The following PLXNA4 variants were observed in gnomAD, a reference collection of about 807,000 sequenced individuals.
The protein encoded by PLXNA4 is plexin A4, also known as plexin-A4.
PLXNA4 carries 44 observed loss-of-function variants against 191.8 expected under a neutral mutation model. That is an observed-to-expected ratio of 0.23 (90% CI 0.18 to 0.29). The LOEUF is 0.29. Ranked by LOEUF, PLXNA4 falls within the 10% of genes least tolerant of loss-of-function variation. PLXNA4 has a pLI of 1.00. For missense variants in PLXNA4, 1,800 were observed against 2,488.8 expected (o/e 0.72, Z 5.89); for synonymous variants, 1,082 against 1,009.5 (o/e 1.07, Z -1.36).
chr7:132,593,655 A>G lies in PLXNA4; in HGVS notation c.-87+52273T>C, dbSNP rs140093747. On this transcript the variant is annotated intron_variant, in intron 2 of 4. Transcript: ENST00000378539. ...CGTCGTGCCATCACTCATTCCAGGG[A>G]CCAAGTCACAGGCAGCAGGTCTCAC... 7.9e-3 allele frequency among the ~76,000 whole-genome samples: 1,200 copies of G among 152,274 alleles called. 9 individuals carry two copies. The highest frequency in any genetic ancestry group is 0.013 in the Non-Finnish European group (866 of 68,014).
At chr7:132,462,836 A>ATTTTTTTTTTTTTTTT in intron 3 of PLXNA4, among the ~76,000 whole-genome samples, 1 of 88,946 alleles carries the variant, frequency 1.1e-5, no homozygotes, top group Non-Finnish European at 2.1e-5. Flanking sequence ...CATTTCTATA[A>ATTTTTTTTTTTTTTTT]TTTTTTTTTT....
chr7:132,239,506 T>A (rs17805290), intron 5 of PLXNA4, among the ~76,000 whole-genome samples: 6,052 of 152,262 alleles, frequency 0.04, 188 homozygotes, highest in Non-Finnish European at 0.059. Context: ...CGCAGAGCTA[T>A]CCTCAGCCAA....
At chr7:132,494,630 G>A (rs573068929) in intron 2 of PLXNA4, among the ~76,000 whole-genome samples, 21 of 152,154 alleles carry the variant, frequency 1.4e-4, no homozygotes, top group South Asian at 6.2e-4. Context: ...CTGACACTCC[G>A]AATTACAATC....
chr7:132,395,541 AC>A (rs1455452357), intron 3 of PLXNA4, among the ~76,000 whole-genome samples: 1 of 152,182 alleles, frequency 6.6e-6, no homozygotes, highest in African/African-American at 2.4e-5. Context: ...CGTGCGTCCC[AC>A]CTGTGCATCT....
At chr7:132,449,251 C>T (rs1330495130) in intron 3 of PLXNA4, among the ~76,000 whole-genome samples, 3 of 152,196 alleles carry the variant, frequency 2.0e-5, no homozygotes, top group Admixed American at 6.5e-5. Context: ...GTTCTCCTGG[C>T]CTCTTACTCA....
intron 2 of PLXNA4, among the ~76,000 whole-genome samples, chr7:132,638,315 G>T (rs994046835): frequency 6.6e-6 from 1 of 152,186 alleles, no homozygotes; most frequent in Non-Finnish European, 1.5e-5. Context: ...GCCTAGGATG[G>T]TTGGAAGACT....
At chr7:132,210,464 C>T (rs956961212) in intron 10 of PLXNA4, among the ~76,000 whole-genome samples, 1 of 152,194 alleles carries the variant, frequency 6.6e-6, no homozygotes, top group African/African-American at 2.4e-5. Context: ...GTTATTTCCT[C>T]CTGCCAATGC....
At chr7:132,491,696 A>G (rs867541983) in intron 2 of PLXNA4, among the ~76,000 whole-genome samples, 9 of 152,296 alleles carry the variant, frequency 5.9e-5, no homozygotes, top group Non-Finnish European at 1.0e-4. Flanking sequence ...ATCCCGCCAG[A>G]GGCAGGCAGA....
chr7:132,211,079 G>A lies in PLXNA4; in HGVS notation c.2162C>T (p.Thr721Met), dbSNP rs377154325. The A allele has an allele frequency of 9.0e-5, 145 of 1,602,882 alleles. No individual in the cohort carries two copies. Among genetic ancestry groups the A allele is most frequent in the Non-Finnish European group, 1.1e-4 (134 of 1,174,588 alleles). The change falls in exon 10 of 32, where the codon ACG becomes ATG. Residue 721 changes from threonine (T) to methionine (M), a missense_variant. By Grantham distance (81) the Thr-to-Met change is moderately conservative (BLOSUM62 -1). This residue lies in a region of PLXNA4 where 1,397 missense variants were observed against 1,880.4 expected (regional missense o/e 0.74). Coordinates refer to ENST00000321063, the MANE Select transcript of PLXNA4 (RefSeq NM_020911.2). ...CTGGGGGAGGTTCTTGGCCTTCAGCGTGATAGGCTTGATCACCTCCACGGG... is the reference window on the plus strand; with the variant it reads ...CTGGGGGAGGTTCTTGGCCTTCAGCATGATAGGCTTGATCACCTCCACGGG... ...LVPVEVIKPITLKAKNLPQPQ... is the reference protein window; with the variant it reads ...LVPVEVIKPIMLKAKNLPQPQ...
intron 1 of PLXNA4, among the ~76,000 whole-genome samples, chr7:132,549,641 G>A (rs1800469540): frequency 6.6e-6 from 1 of 152,146 alleles, no homozygotes; most frequent in African/African-American, 2.4e-5. Flanking sequence ...TCATTTCCCT[G>A]AGTCATTACC....
chr7:132,242,721 T>A (rs1008377334), intron 4 of PLXNA4, among the ~76,000 whole-genome samples: 7 of 152,138 alleles, frequency 4.6e-5, no homozygotes, highest in African/African-American at 1.7e-4. Flanking sequence ...TTTTGCACAT[T>A]TGGAATTTTA....
intron 16 of PLXNA4, among the ~76,000 whole-genome samples, chr7:132,184,222 C>T (rs576666171): frequency 1.4e-4 from 22 of 152,294 alleles, no homozygotes; most frequent in East Asian, 7.7e-4. Context: ...CAGGGGGCAG[C>T]GGGAGGGGGC....
At chr7:132,604,113 A>G (rs1258654419) in intron 2 of PLXNA4, among the ~76,000 whole-genome samples, 1 of 138,316 alleles carries the variant, frequency 7.2e-6, no homozygotes, top group Non-Finnish European at 1.6e-5. Flanking sequence ...GGTGGGTGCT[A>G]AGGTACCTGA....
intron 1 of PLXNA4, among the ~76,000 whole-genome samples, chr7:132,528,980 G>T (rs1350992841): frequency 2.0e-5 from 3 of 152,228 alleles, no homozygotes; most frequent in African/African-American, 4.8e-5. Context: ...ACTATGAAGG[G>T]TGTCTAGGAC....
intron 3 of PLXNA4, among the ~76,000 whole-genome samples, chr7:132,453,934 C>T (rs902574609): frequency 2.0e-5 from 3 of 152,210 alleles, no homozygotes; most frequent in African/African-American, 7.2e-5. Flanking sequence ...TAGTCTTTGA[C>T]CCACCGTCAG....
rs997195061 is a variant in PLXNA4 at position 132,592,579 on chromosome 7, G to A, written c.-87+53349C>T. On this transcript the variant is annotated intron_variant, in intron 2 of 4. Coordinates refer to the PLXNA4 transcript ENST00000378539. Reference sequence around the variant, plus strand: ...CTTTAAAAACCCACATTAAATTCTCGTTTAACGATTTGACGGGGTCCCCTT... The same window carrying A: ...CTTTAAAAACCCACATTAAATTCTCATTTAACGATTTGACGGGGTCCCCTT... Among the ~76,000 whole-genome samples, 15 of 145,586 alleles carry A rather than the reference G, an allele frequency of 1.0e-4. No homozygotes were observed. In the South Asian group the frequency reaches 1.5e-3, roughly 15 times the overall value.
chr7:132,429,354 C>T (rs1219077533), intron 3 of PLXNA4, among the ~76,000 whole-genome samples: 1 of 152,092 alleles, frequency 6.6e-6, no homozygotes. Context: ...ATAGGAAGAA[C>T]TTTGCCCTCT....
rs1051688932 is a variant in PLXNA4, at chr7:132,133,273, C to A, written c.5439-74G>T. On this transcript the variant is annotated intron_variant, in intron 30 of 31. Transcript: ENST00000321063. ...AGAGGAGAGATGGATGCTCCCAGCA[C>A]CGTGTCTGGGGCCATGAGCTCAGCT... 3.8e-6 allele frequency: 6 copies of A among 1,565,114 alleles called. No homozygotes were observed. The African/African-American group carries it at 5.4e-5, about 14-fold the overall frequency.
chr7:132,212,449 G>C (rs888473249), intron 9 of PLXNA4, among the ~76,000 whole-genome samples: 4 of 152,172 alleles, frequency 2.6e-5, no homozygotes, highest in Admixed American at 2.6e-4. Flanking sequence ...GGCTCAGAGG[G>C]AGAAGGCTTG....
Sources: allele counts gnomAD v4.1 joint callset (sites outside exome capture counted in the v4.1 genomes callset), GRCh38; gene constraint gnomAD v4.1.1; regional missense constraint gnomAD v4.1.1; transcripts MANE v1.5; gene names NCBI Gene and HGNC (gene_info 2026-07-23, HGNC 2026-07-21).